IL7: variants seen among roughly 807,000 people sequenced by gnomAD.
IL7 encodes the protein interleukin-7.
A neutral mutation model predicts 21.6 loss-of-function variants in IL7; 3 were observed. That is an observed-to-expected ratio of 0.14 (90% confidence interval 0.06 to 0.36). The LOEUF is 0.36. IL7 is among the 10% of genes least tolerant of loss of function. The pLI is 1.00. For missense variants in IL7, 175 were observed against 200.2 expected (o/e 0.87, Z 0.76); for synonymous variants, 62 against 68.1 (o/e 0.91, Z 0.44).
intron 1 of IL7, among the ~76,000 whole-genome samples, chr8:78,799,575 GATA>G (rs1180616846): frequency 2.6e-5 from 4 of 152,038 alleles, no homozygotes; most frequent in African/African-American, 9.7e-5. Context: ...TTAGGAGACA[GATA>G]ATGATGATGA....
intron 4 of IL7, among the ~76,000 whole-genome samples, chr8:78,680,330 A>C (rs1809738451): frequency 6.9e-6 from 1 of 145,832 alleles, no homozygotes; most frequent in Non-Finnish European, 1.5e-5. Context: ...AGTAAAAACC[A>C]TTGCTTTGTA....
chr8:78,742,004 G>A (rs1053619470), intron 2 of IL7, among the ~76,000 whole-genome samples: 2 of 152,084 alleles, frequency 1.3e-5, no homozygotes, highest in African/African-American at 4.8e-5. Flanking sequence ...TGTCACATAT[G>A]TCCAGATGCA....
intron 2 of IL7, chr8:78,762,265 A>T: frequency 1.3e-6 from 2 of 1,579,650 alleles, no homozygotes; most frequent in Non-Finnish European, 1.7e-6. Flanking sequence ...ATAATCGATA[A>T]TGTTTATTTA....
intron 3 of IL7, among the ~76,000 whole-genome samples, chr8:78,722,710 G>C (rs1354531685): frequency 6.6e-6 from 1 of 151,862 alleles, no homozygotes; most frequent in Non-Finnish European, 1.5e-5. Flanking sequence ...ATGTTCAGAA[G>C]TTATATATGG....
At chr8:78,701,735 A>G (rs1253491968) in intron 3 of IL7, among the ~76,000 whole-genome samples, 1 of 152,234 alleles carries the variant, frequency 6.6e-6, no homozygotes, top group Non-Finnish European at 1.5e-5. Context: ...CCTTTTCGTC[A>G]TCTATTAAGA....
At position 78,775,834 on chromosome 8, in the gene IL7, C is replaced by CA. The variant is rs1353085876; in HGVS notation, c.147+22237dup. On this transcript the variant is annotated intron_variant, in intron 2 of 5. Coordinates refer to ENST00000263851, the MANE Select transcript of IL7 (RefSeq NM_000880.4). The stretch of plus-strand genomic sequence containing the variant: ...AAGCGTAAGGATGATACAGGATAGT[C>CA]AGGGCTTGGGACTTCACTGGACCTC... Among the ~76,000 whole-genome samples, 3 of 152,004 alleles carry CA rather than the reference C, an allele frequency of 2.0e-5. No individual in the cohort carries two copies. In the East Asian group the frequency reaches 5.8e-4, roughly 29 times the overall value.
At chr8:78,715,729 T>A (rs1320810111), downstream of IL7, among the ~76,000 whole-genome samples, 1 of 152,236 alleles carries the variant, frequency 6.6e-6, no homozygotes, top group South Asian at 2.1e-4. Context: ...ATTGAACTGC[T>A]GCAGTCTCAC....
intron 3 of IL7, among the ~76,000 whole-genome samples, chr8:78,712,389 G>A (rs1267108840): frequency 2.6e-5 from 4 of 151,772 alleles, no homozygotes; most frequent in Non-Finnish European, 5.9e-5. Flanking sequence ...TTTTTATGAA[G>A]TTTTTTTTAG....
intron 2 of IL7, among the ~76,000 whole-genome samples, chr8:78,773,975 G>A (rs1250936401): frequency 6.6e-6 from 1 of 151,858 alleles, no homozygotes; most frequent in Non-Finnish European, 1.5e-5. Flanking sequence ...GCCATATTAG[G>A]TAAACAAGCA....
intron 2 of IL7, among the ~76,000 whole-genome samples, chr8:78,758,478 G>T (rs1812430043): frequency 1.3e-5 from 2 of 151,802 alleles, no homozygotes; most frequent in African/African-American, 4.8e-5. Context: ...CTAAATAGTA[G>T]ACATCATCCT....
chr8:78,751,090 T>TC (rs1812153707), intron 2 of IL7, among the ~76,000 whole-genome samples: 2 of 113,900 alleles, frequency 1.8e-5, no homozygotes, highest in Non-Finnish European at 3.5e-5. Context: ...AAGCAAAAAT[T>TC]CAAAAAAAAA....
At chr8:78,679,915 A>G (rs1809713259) in intron 4 of IL7, among the ~76,000 whole-genome samples, 1 of 152,170 alleles carries the variant, frequency 6.6e-6, no homozygotes, top group Non-Finnish European at 1.5e-5. Flanking sequence ...TGCTGCCTAT[A>G]TTAGCTTTAA....
chr8:78,714,924 CTG>C (rs1329486009), downstream of IL7, among the ~76,000 whole-genome samples: 2 of 152,056 alleles, frequency 1.3e-5, no homozygotes, highest in African/African-American at 2.4e-5. Flanking sequence ...TAAATTTAAA[CTG>C]TTTTTAAAAA....
intron 3 of IL7, among the ~76,000 whole-genome samples, chr8:78,710,691 A>T (rs912923506): frequency 3.9e-5 from 6 of 152,096 alleles, no homozygotes; most frequent in Non-Finnish European, 7.4e-5. Context: ...ATAAAATCTG[A>T]ATGTTTAAAA....
intron 3 of IL7, chr8:78,712,186 T>C: frequency 1.3e-6 from 1 of 769,546 alleles, no homozygotes; most frequent in South Asian, 1.7e-5. Flanking sequence ...AACATAACTT[T>C]TACTGTCCTA....
intron 3 of IL7, among the ~76,000 whole-genome samples, chr8:78,711,493 C>CT (rs1240993119): frequency 2.0e-5 from 3 of 151,874 alleles, no homozygotes; most frequent in African/African-American, 4.8e-5. Context: ...AATAAAGTCA[C>CT]TTTTTTGTTA....
intron 3 of IL7, among the ~76,000 whole-genome samples, chr8:78,701,643 G>T (rs1321857902): frequency 6.6e-6 from 1 of 152,068 alleles, no homozygotes; most frequent in African/African-American, 2.4e-5. Flanking sequence ...GTCATAAGTG[G>T]CTAATATTTT....
In IL7 at chr8:78,789,777, CT is replaced by C. The variant is rs764932573; in HGVS notation, c.147+8294del. On this transcript the variant is annotated intron_variant, in intron 2 of 5. Transcript: ENST00000263851. ...ACAGGTGTTAAGATGATATATTAAA[CT>C]ATAGAATTTGGTGATGGATGAGATG... Among the ~76,000 whole-genome samples, 157 of 151,996 alleles carry C rather than the reference CT, an allele frequency of 1.0e-3. 2 individuals are homozygous for C. Among genetic ancestry groups the C allele is most frequent in the Non-Finnish European group, 4.4e-4 (30 of 67,994 alleles).
At chr8:78,731,692 A>G (rs1179450087), downstream of IL7, among the ~76,000 whole-genome samples, 1 of 151,936 alleles carries the variant, frequency 6.6e-6, no homozygotes, top group Non-Finnish European at 1.5e-5. Context: ...CTCCCAAATC[A>G]TTATTAGCCA....
Sources: allele counts gnomAD v4.1 joint callset (sites outside exome capture counted in the v4.1 genomes callset), GRCh38; gene constraint gnomAD v4.1.1; transcripts MANE v1.5; gene names NCBI Gene and HGNC (gene_info 2026-07-23, HGNC 2026-07-21).